DNAAF10: variants seen among roughly 807,000 people sequenced by gnomAD.
The protein encoded by DNAAF10 is WD repeat domain 92.
Under a neutral mutation model 43.7 loss-of-function variants are expected in DNAAF10, and 28 were observed. The observed-to-expected ratio is 0.64, with a 90% CI of 0.48 to 0.88. DNAAF10 has a LOEUF of 0.88. Among genes scored for constraint, DNAAF10 ranks in the 40% least tolerant of loss-of-function variants. The probability of loss-of-function intolerance (pLI) is 0.00; values close to 1 mark genes in which losing one functional copy is unlikely to be tolerated. For synonymous variants in DNAAF10, 156 were observed against 157.3 expected, an observed-to-expected ratio of 0.99 and a Z score of 0.06; for missense variants, 403 against 439.1, an observed-to-expected ratio of 0.92 and a Z score of 0.73.
intron 4 of DNAAF10, 80 bp downstream of exon 4, chr2:68,141,614 G>A: frequency 7.6e-7 from 1 of 1,308,910 alleles, no homozygotes; most frequent in Non-Finnish European, 1.1e-6. Flanking sequence ...AGACCATAAA[G>A]AGACTACTGT....
chr2:68,147,969 G>A (rs1673362934), intron 1 of DNAAF10, among the ~76,000 whole-genome samples: 1 of 152,104 alleles, frequency 6.6e-6, no homozygotes, highest in African/African-American at 2.4e-5. Context: ...AGTTTTCCCT[G>A]CAGAACCCTA....
rs1453152500 is a variant in DNAAF10, at chr2:68,130,115, G to GAGAGAGATATATATATATATATAT, written c.*1122_*1123insATATATATATATATATATCTCTCT. 10 of 132,930 alleles carry GAGAGAGATATATATATATATATAT rather than the reference G, an allele frequency of 7.5e-5. No homozygotes were observed. Among genetic ancestry groups the GAGAGAGATATATATATATATATAT allele is most frequent in the African/African-American group, 2.9e-4 (10 of 34,294 alleles). 8.2% of individuals were successfully genotyped at this position (132,930 alleles called of 1,614,324 possible). ...CAACCGTGCCGTTTTGAGAGAGAGAGATATATATATATATATTTGTTTTTT... is the reference window on the plus strand; with the variant it reads ...CAACCGTGCCGTTTTGAGAGAGAGAGAGAGAGATATATATATATATATATATATATATATATATATTTGTTTTTT... On this transcript the variant is annotated 3_prime_UTR_variant, in exon 8 of 8. Transcript: ENST00000295121.
chr2:68,135,918 A>G (rs760241980), intron 6 of DNAAF10, among the ~76,000 whole-genome samples: 3 of 152,172 alleles, frequency 2.0e-5, no homozygotes, highest in Non-Finnish European at 4.4e-5. Context: ...AACTAAATAT[A>G]ATTTTAAAAA....
chr2:68,152,259 C>T (rs1406934716), intron 1 of DNAAF10, among the ~76,000 whole-genome samples: 1 of 152,166 alleles, frequency 6.6e-6, no homozygotes, highest in Non-Finnish European at 1.5e-5. Flanking sequence ...TATTTATGGT[C>T]ATTAGTGGTC....
chr2:68,154,838 C>T (rs1673551225), intron 1 of DNAAF10, among the ~76,000 whole-genome samples: 1 of 152,142 alleles, frequency 6.6e-6, no homozygotes, highest in African/African-American at 2.4e-5. Flanking sequence ...GGTGCGAACA[C>T]AGCATCCTTG....
chr2:68,147,444 G>A lies in DNAAF10; in HGVS notation c.284+23C>T, dbSNP rs17035030. The A allele has an allele frequency of 9.5e-3, 14,992 of 1,570,204 alleles. 733 individuals carry two copies. The African/African-American group carries it at 0.14, about 14-fold the overall frequency. On this transcript the variant is annotated intron_variant, in intron 2 of 7. Coordinates refer to ENST00000295121, the MANE Select transcript of DNAAF10 (RefSeq NM_138458.4). ...AATAAATTGCCTATCTCATCTGTCTGAATACTGACTAAATCATCTTACCAT... is the reference window on the plus strand; with the variant it reads ...AATAAATTGCCTATCTCATCTGTCTAAATACTGACTAAATCATCTTACCAT...
intron 7 of DNAAF10, 110 bp downstream of exon 7, chr2:68,134,592 T>C: frequency 6.5e-7 from 1 of 1,539,630 alleles, no homozygotes; most frequent in East Asian, 2.4e-5. Flanking sequence ...TTAAATCATA[T>C]CAAAATGAAC....
intron 1 of DNAAF10, among the ~76,000 whole-genome samples, chr2:68,151,747 G>A (rs1673463887): frequency 6.6e-6 from 1 of 152,132 alleles, no homozygotes; most frequent in African/African-American, 2.4e-5. Context: ...AAACTGTTCA[G>A]TTTCTGGTGT....
intron 5 of DNAAF10, 115 bp from the exon 6 acceptor site, chr2:68,137,548 T>C (rs1245408502): frequency 1.9e-6 from 2 of 1,058,086 alleles, no homozygotes; most frequent in African/African-American, 3.3e-5. Context: ...ACTCCAACAA[T>C]CATTTATCTT....
Position 68,131,331 on chromosome 2 carries a change from CA to C in DNAAF10, c.980del (p.Leu327TrpfsTer20). 6.2e-7 allele frequency: 1 copy of C among 1,614,112 alleles called. No homozygotes were observed. Among genetic ancestry groups the C allele is most frequent in the Non-Finnish European group, 8.5e-7 (1 of 1,180,026 alleles). ...VTLSTQPISS[L>X]DWSPDKRGLC... ...GACCCCTTTTATCTGGACTCCAATC[CA>C]AACTTGAAATGGGCTGGGTGGACAA... On this transcript the variant is annotated frameshift_variant, in exon 8 of 8. Transcript: ENST00000295121. LOFTEE classifies it high-confidence loss of function.
rs1441033209 is a variant in DNAAF10 at position 68,150,548 on chromosome 2, A to G, written c.184-2981T>C. Among the ~76,000 whole-genome samples, 3 of 151,774 alleles carry G rather than the reference A, an allele frequency of 2.0e-5. No homozygotes were observed. In the South Asian group the frequency reaches 6.2e-4, roughly 32 times the overall value. Reference sequence around the variant, plus strand: ...AGGAGTTCAAGACCAGCCTGGCCAAAATGGTGAAACCCCCTCTCTACTAAA... The same window carrying G: ...AGGAGTTCAAGACCAGCCTGGCCAAGATGGTGAAACCCCCTCTCTACTAAA... On this transcript the variant is annotated intron_variant, in intron 1 of 7. Coordinates refer to ENST00000295121, the MANE Select transcript of DNAAF10 (RefSeq NM_138458.4).
intron 1 of DNAAF10, among the ~76,000 whole-genome samples, chr2:68,150,788 A>T (rs1673438616): frequency 6.6e-6 from 1 of 152,162 alleles, no homozygotes; most frequent in Admixed American, 6.5e-5. Flanking sequence ...GGAAGTGAAG[A>T]CTTAAAAACT....
chr2:68,151,766 T>G (rs756940849), intron 1 of DNAAF10, among the ~76,000 whole-genome samples: 56 of 152,232 alleles, frequency 3.7e-4, no homozygotes, highest in Non-Finnish European at 7.5e-4. Flanking sequence ...GTCATTGACA[T>G]GCAATCATGA....
chr2:68,140,263 C>A (rs1673146927), intron 4 of DNAAF10, among the ~76,000 whole-genome samples: 1 of 152,106 alleles, frequency 6.6e-6, no homozygotes, highest in South Asian at 2.1e-4. Flanking sequence ...TAAACTCCAG[C>A]CCTGCATTTC....
At position 68,157,439 on chromosome 2, in the gene DNAAF10, G is replaced by A. The variant is rs1572932753; in HGVS notation, c.5C>T (p.Ser2Leu). Residue 2 changes from serine (S) to leucine (L), a missense_variant, in exon 1 of 8, where the codon TCG becomes TTG. Coordinates refer to ENST00000295121, the MANE Select transcript of DNAAF10 (RefSeq NM_138458.4). The part of the protein sequence containing the change: M[S>L]AFEKPQIIAH... The stretch of plus-strand genomic sequence containing the variant: ...GATGATCTGAGGCTTCTCGAAGGCC[G>A]ACATGGTGCAGCCAATTTCAGCTAC... 2.5e-6 allele frequency: 4 copies of A among 1,614,150 alleles called. No homozygotes were observed. In the East Asian group the frequency reaches 6.7e-5, roughly 27 times the overall value.
intron 7 of DNAAF10, 177 bp downstream of exon 7, chr2:68,134,525 T>C: frequency 6.9e-7 from 1 of 1,457,614 alleles, no homozygotes; most frequent in Non-Finnish European, 9.0e-7. Flanking sequence ...CTCTACTAAG[T>C]GTAAAGTATA....
chr2:68,152,401 C>T (rs1359665884), intron 1 of DNAAF10, among the ~76,000 whole-genome samples: 4 of 152,186 alleles, frequency 2.6e-5, no homozygotes, highest in East Asian at 3.9e-4. Context: ...AAGGGCCGAG[C>T]TCTGTTGGCA....
At chr2:68,137,556 C>G (rs1673073419) in intron 5 of DNAAF10, 123 bp from the exon 6 acceptor site, 1 of 1,035,148 alleles carries the variant, frequency 9.7e-7, no homozygotes, top group South Asian at 2.4e-5. Context: ...AATCATTTAT[C>G]TTTTAACTTT....
chr2:68,149,699 A>G (rs1558612250), intron 1 of DNAAF10, among the ~76,000 whole-genome samples: 2 of 152,242 alleles, frequency 1.3e-5, no homozygotes, highest in South Asian at 2.1e-4. Flanking sequence ...CTTAATCACT[A>G]TTAGGGCACA....
Sources: gnomAD v4.1 joint callset for allele counts (sites outside exome capture counted in the v4.1 genomes callset) on GRCh38, gnomAD v4.1.1 for gene constraint, MANE v1.5 for transcripts, NCBI Gene and HGNC (gene_info 2026-07-23, HGNC 2026-07-21) for gene names.